Variants in PCSK2 observed in about 807,000 individuals in gnomAD.
The protein encoded by PCSK2 is neuroendocrine convertase 2.
PCSK2 carries 14 observed loss-of-function variants against 69.7 expected under a neutral mutation model. The ratio of observed to expected loss-of-function variants is 0.20; its 90% CI spans 0.13 to 0.31. The LOEUF (loss-of-function observed/expected upper bound fraction) is 0.31. PCSK2 is among the 10% of genes least tolerant of loss of function. The pLI, the probability that PCSK2 is intolerant of heterozygous loss-of-function variation, is 1.00. For synonymous variants in PCSK2, 307 were observed against 320.7 expected, an observed-to-expected ratio of 0.96 and a Z score of 0.46; for missense variants, 544 against 842.5, an observed-to-expected ratio of 0.65 and a Z score of 4.39.
intron 4 of PCSK2, among the ~76,000 whole-genome samples, chr20:17,367,563 C>A (rs1405094701): frequency 2.0e-5 from 3 of 152,204 alleles, no homozygotes; most frequent in African/African-American, 4.8e-5. Context: ...CTAAACTGAC[C>A]ATTTTGCTGG....
intron 5 of PCSK2, among the ~76,000 whole-genome samples, chr20:17,395,023 T>C (rs1270843012): frequency 6.6e-6 from 1 of 152,214 alleles, no homozygotes; most frequent in Non-Finnish European, 1.5e-5. Flanking sequence ...AGGTTCAAAC[T>C]ACTTCTTCCT....
chr20:17,361,310 T>C (rs1485389269), intron 4 of PCSK2, among the ~76,000 whole-genome samples: 1 of 152,232 alleles, frequency 6.6e-6, no homozygotes. Flanking sequence ...ATCCCTTACA[T>C]GTTATTCAAC....
intron 11 of PCSK2, among the ~76,000 whole-genome samples, chr20:17,469,976 C>T (rs746551905): frequency 6.6e-6 from 1 of 152,170 alleles, no homozygotes; most frequent in Non-Finnish European, 1.5e-5. Flanking sequence ...ACTGGCATTC[C>T]AGAGGCCCTT....
At chr20:17,265,683 A>G (rs968391457) in intron 2 of PCSK2, among the ~76,000 whole-genome samples, 1 of 152,082 alleles carries the variant, frequency 6.6e-6, no homozygotes, top group Non-Finnish European at 1.5e-5. Flanking sequence ...GAGTTCCCCA[A>G]ATTCTCATGG....
chr20:17,361,583 C>G (rs1240452092), intron 4 of PCSK2, among the ~76,000 whole-genome samples: 1 of 152,188 alleles, frequency 6.6e-6, no homozygotes, highest in Admixed American at 6.5e-5. Flanking sequence ...ACAGTTGAGC[C>G]TTTCCCATCC....
chr20:17,252,208 G>T (rs1987008863), intron 1 of PCSK2, among the ~76,000 whole-genome samples: 2 of 151,898 alleles, frequency 1.3e-5, no homozygotes, highest in Non-Finnish European at 2.9e-5. Context: ...CTTGATATGG[G>T]GAGTGTTTAA....
chr20:17,271,119 T>TG (rs1477947290), intron 2 of PCSK2, among the ~76,000 whole-genome samples: 4 of 152,166 alleles, frequency 2.6e-5, no homozygotes, highest in Admixed American at 2.6e-4. Context: ...TAGGGCTTTT[T>TG]CTTTAAACCA....
At chr20:17,456,095 C>T (rs2032915002) in intron 9 of PCSK2, among the ~76,000 whole-genome samples, 1 of 152,008 alleles carries the variant, frequency 6.6e-6, no homozygotes, top group South Asian at 2.1e-4. Flanking sequence ...CAAAAATTAG[C>T]CGGGCATGGT....
chr20:17,276,956 C>T lies in PCSK2; in HGVS notation c.282+16612C>T, dbSNP rs569877998. 2.5e-3 allele frequency among the ~76,000 whole-genome samples: 380 copies of T among 152,278 alleles called. 2 individuals are homozygous for T. The highest frequency in any genetic ancestry group is 4.6e-3 in the Non-Finnish European group (312 of 68,030). ...AACAGAGAGCCAAATCATGAGTGAA[C>T]TCCCATTCACAATTGCTTCAAACAG... is the stretch of plus-strand genomic sequence containing the variant. On this transcript the variant is annotated intron_variant, in intron 2 of 11. Coordinates refer to ENST00000262545, the MANE Select transcript of PCSK2 (RefSeq NM_002594.5).
chr20:17,277,889 C>A (rs1309660549), intron 2 of PCSK2, among the ~76,000 whole-genome samples: 1 of 151,774 alleles, frequency 6.6e-6, no homozygotes, highest in Non-Finnish European at 1.5e-5. Context: ...AACAAACAAC[C>A]CCATCAAAAA....
chr20:17,481,388 CAAAAAAAAA>C (rs3076146), intron 11 of PCSK2, among the ~76,000 whole-genome samples, 187 bp from the exon 12 acceptor site: 79 of 65,684 alleles, frequency 1.2e-3, no homozygotes, highest in East Asian at 9.9e-3. Context: ...TCTCAAAAGA[CAAAAAAAAA>C]AAAAAAAAAA....
At chr20:17,227,835 T>G (rs1985989349) in intron 1 of PCSK2, among the ~76,000 whole-genome samples, 1 of 152,182 alleles carries the variant, frequency 6.6e-6, no homozygotes, top group African/African-American at 2.4e-5. Flanking sequence ...CAGCTAAGCC[T>G]GGCGTTGGCT....
intron 8 of PCSK2, among the ~76,000 whole-genome samples, chr20:17,438,108 G>A (rs1469624468): frequency 1.3e-5 from 2 of 152,206 alleles, no homozygotes; most frequent in Non-Finnish European, 2.9e-5. Flanking sequence ...GGAAAGGACA[G>A]TGTGTGAGAT....
At chr20:17,471,805 A>G (rs1301216229) in intron 11 of PCSK2, among the ~76,000 whole-genome samples, 1 of 152,212 alleles carries the variant, frequency 6.6e-6, no homozygotes, top group Non-Finnish European at 1.5e-5. Context: ...GTGCCGCTTG[A>G]CAGAGGAGGC....
At chr20:17,471,666 C>T (rs1194472967) in intron 11 of PCSK2, among the ~76,000 whole-genome samples, 4 of 152,336 alleles carry the variant, frequency 2.6e-5, no homozygotes, top group East Asian at 3.9e-4. Context: ...CAGTGCCCTC[C>T]GGTCCCTCGT....
intron 5 of PCSK2, among the ~76,000 whole-genome samples, chr20:17,395,059 T>C (rs968790532): frequency 3.3e-4 from 50 of 152,136 alleles, no homozygotes; most frequent in African/African-American, 1.2e-3. Flanking sequence ...TACTTAACTT[T>C]TTTTTTCCCC....
intron 2 of PCSK2, among the ~76,000 whole-genome samples, chr20:17,319,932 G>A (rs576998795): frequency 6.6e-6 from 1 of 152,144 alleles, no homozygotes; most frequent in African/African-American, 2.4e-5. Flanking sequence ...GCAAGCATCT[G>A]GAATCACTGA....
Position 17,453,623 on chromosome 20 carries a change from A to C in PCSK2, c.886-119A>C, listed in dbSNP as rs1178970874. 1 of 1,015,662 alleles carries C rather than the reference A, an allele frequency of 9.8e-7. No homozygotes were observed. 62.9% of individuals were successfully genotyped at this position (1,015,662 alleles called of 1,614,324 possible). The stretch of plus-strand genomic sequence containing the variant: ...ATATGGTGTCCAACCCAGTTTAAAA[A>C]GTGCACCCAGTCTTTAGGTTCAACT... On this transcript the variant is annotated intron_variant, in intron 8 of 11. Transcript: ENST00000262545. This position sits in a 1 kb window ranked among gnomAD's most constrained non-coding sequence, Gnocchi z 4.0.
intron 1 of PCSK2, among the ~76,000 whole-genome samples, chr20:17,252,552 G>T (rs1987021740): frequency 6.6e-6 from 1 of 152,156 alleles, no homozygotes; most frequent in Non-Finnish European, 1.5e-5. Context: ...AAAATCTGAG[G>T]CCCACAAGGG....
Sources: gnomAD v4.1 joint callset for allele counts (sites outside exome capture counted in the v4.1 genomes callset) on GRCh38, gnomAD v4.1.1 for gene constraint, Gnocchi (gnomAD v3.1) non-coding constraint, MANE v1.5 for transcripts, NCBI Gene and HGNC (gene_info 2026-07-23, HGNC 2026-07-21) for gene names.